LAMP5: variants seen among roughly 807,000 people sequenced by gnomAD.
The protein encoded by LAMP5 is lysosome associated membrane protein 5.
Under a neutral mutation model 30.2 loss-of-function variants are expected in LAMP5, and 36 were observed. The ratio of observed to expected loss-of-function variants is 1.19; its 90% CI spans 0.91 to 1.57. LAMP5 has a LOEUF of 1.57. Ranked by LOEUF, LAMP5 falls within the 40% of genes most tolerant of loss-of-function variation. The pLI, the probability that LAMP5 is intolerant of heterozygous loss-of-function variation, is 0.00. For missense variants in LAMP5, 377 were observed against 354.9 expected (o/e 1.06, Z -0.50); for synonymous variants, 149 against 134.6 (o/e 1.11, Z -0.74).
At chr20:9,528,221 G>A (rs2045126694) in intron 5 of LAMP5, among the ~76,000 whole-genome samples, 1 of 152,106 alleles carries the variant, frequency 6.6e-6, no homozygotes, top group African/African-American at 2.4e-5. Context: ...AATATTGCAT[G>A]TATTCACTCA....
intron 5 of LAMP5, 86 bp from the exon 6 acceptor site, chr20:9,529,556 A>T: frequency 7.4e-7 from 1 of 1,349,368 alleles, no homozygotes; most frequent in Non-Finnish European, 1.0e-6. Flanking sequence ...AAATCTTTTT[A>T]CCTCCATTTC....
chr20:9,518,010 T>TCCGCCAGCAGGAGGGGC, intron 4 of LAMP5, 30 bp from the exon 5 acceptor site: 1 of 1,599,140 alleles, frequency 6.3e-7, no homozygotes, highest in Non-Finnish European at 8.5e-7. Flanking sequence ...CAATGAGGGT[T>TCCGCCAGCAGGAGGGGC]CTAACTATTG....
rs113306811 is a variant in LAMP5, at chr20:9,514,935, A to C, written c.64+19A>C. 6,968 of 1,612,230 alleles carry C rather than the reference A, an allele frequency of 4.3e-3. 210 individuals carry two copies. In the African/African-American group the frequency reaches 0.072, roughly 17 times the overall value. Reference sequence around the variant, plus strand: ...TTGTTCCGTGAGTAGCGATTTGGCGACTGGGAGAGAGGACGGGCACTCTTT... The same window carrying C: ...TTGTTCCGTGAGTAGCGATTTGGCGCCTGGGAGAGAGGACGGGCACTCTTT... On this transcript the variant is annotated intron_variant, in intron 1 of 5. Transcript: ENST00000246070.
chr20:9,515,073 C>T lies in LAMP5; in HGVS notation c.64+157C>T, dbSNP rs181426529. The T allele has an allele frequency of 1.7e-3, 1,141 of 691,500 alleles. 6 individuals are homozygous for T. The African/African-American group carries it at 0.018, about 11-fold the overall frequency. The allele number at this position is 691,500 out of a possible 1,614,324, so 42.8% of individuals were successfully genotyped here. On this transcript the variant is annotated intron_variant, in intron 1 of 5. Transcript: ENST00000246070. ...CTTTTAGGGGAGGAGGGAGGGCCTTCCTCGCCGGTGGCAGGGAATTCCCCT... is the reference window on the plus strand; with the variant it reads ...CTTTTAGGGGAGGAGGGAGGGCCTTTCTCGCCGGTGGCAGGGAATTCCCCT...
chr20:9,514,811 C>T lies in LAMP5; in HGVS notation c.-42C>T. ...TTTGAGGGATTCCCTCTCTGGCGGC[C>T]TCTGCAGCAGCACAGCCGGCCTCAT... On this transcript the variant is annotated 5_prime_UTR_variant, in exon 1 of 6. Coordinates refer to ENST00000246070, the MANE Select transcript of LAMP5 (RefSeq NM_012261.4). 1 of 1,603,236 alleles carries T rather than the reference C, an allele frequency of 6.2e-7. No individual in the cohort carries two copies. Among genetic ancestry groups the T allele is most frequent in the Non-Finnish European group, 8.5e-7 (1 of 1,170,570 alleles).
chr20:9,522,821 C>T (rs372630929), intron 5 of LAMP5, among the ~76,000 whole-genome samples: 61 of 152,278 alleles, frequency 4.0e-4, no homozygotes, highest in Middle Eastern at 6.8e-3. Context: ...GTCCACTACA[C>T]CTAGGTACTG....
At chr20:9,515,765 A>G in intron 2 of LAMP5, 140 bp downstream of exon 2, 1 of 1,030,990 alleles carries the variant, frequency 9.7e-7, no homozygotes, top group Non-Finnish European at 1.4e-6. Context: ...CTGCATGGGG[A>G]TTCCAGCTTG....
At chr20:9,522,211 T>C (rs1430983242) in intron 5 of LAMP5, among the ~76,000 whole-genome samples, 1 of 152,160 alleles carries the variant, frequency 6.6e-6, no homozygotes, top group Non-Finnish European at 1.5e-5. Flanking sequence ...TTCATGAGCT[T>C]TTTATTATTG....
chr20:9,515,689 C>T, intron 2 of LAMP5, 64 bp downstream of exon 2: 1 of 1,554,204 alleles, frequency 6.4e-7, no homozygotes, highest in Non-Finnish European at 8.8e-7. Flanking sequence ...CACCCTTCCT[C>T]AAGGCTCTTC....
intron 5 of LAMP5, among the ~76,000 whole-genome samples, chr20:9,522,665 C>A (rs1402316417): frequency 1.3e-5 from 2 of 152,246 alleles, no homozygotes; most frequent in South Asian, 2.1e-4. Flanking sequence ...GGTGAGCAAA[C>A]CAGTGTTTAC....
rs1178893997 is a variant in LAMP5 at position 9,530,511 on chromosome 20, C to T, written c.*691C>T. 2 of 152,584 alleles carry T rather than the reference C, an allele frequency of 1.3e-5. No individual in the cohort carries two copies. Among genetic ancestry groups the T allele is most frequent in the Non-Finnish European group, 2.9e-5 (2 of 68,026 alleles). 9.5% of individuals were successfully genotyped at this position (152,584 alleles called of 1,614,324 possible). ...CTGTTTTTCAAAATGAAATAAAACA[C>T]ACTATTCTCTGGCCTTTGGCTGCTT... On this transcript the variant is annotated 3_prime_UTR_variant, in exon 6 of 6. Coordinates refer to ENST00000246070, the MANE Select transcript of LAMP5 (RefSeq NM_012261.4).
At chr20:9,514,988 T>C (rs1205672959) in intron 1 of LAMP5, 72 bp downstream of exon 1, 12 of 1,362,680 alleles carry the variant, frequency 8.8e-6, no homozygotes, top group Non-Finnish European at 1.3e-5. Flanking sequence ...CAAAGTAAAG[T>C]CAATTAGCTT....
intron 5 of LAMP5, among the ~76,000 whole-genome samples, chr20:9,524,590 C>A (rs139768143): frequency 4.8e-5 from 4 of 83,042 alleles, no homozygotes; most frequent in Admixed American, 1.5e-4. Context: ...AAACCCAGAT[C>A]GAACTAAAAA....
intron 5 of LAMP5, among the ~76,000 whole-genome samples, chr20:9,524,607 A>C (rs1644275024): frequency 6.7e-6 from 1 of 150,116 alleles, no homozygotes; most frequent in Non-Finnish European, 1.5e-5. Flanking sequence ...AAAAAAAAAA[A>C]AAAAAAAAAC....
At chr20:9,519,124 G>A (rs1033236273) in intron 5 of LAMP5, among the ~76,000 whole-genome samples, 1 of 152,072 alleles carries the variant, frequency 6.6e-6, no homozygotes, top group Non-Finnish European at 1.5e-5. Flanking sequence ...AATTCACGTT[G>A]GGCAATTGTG....
chr20:9,524,154 G>A (rs562646793), intron 5 of LAMP5, among the ~76,000 whole-genome samples: 1 of 152,232 alleles, frequency 6.6e-6, no homozygotes, highest in South Asian at 2.1e-4. Context: ...TTCCAATAAG[G>A]AAATACATAT....
In LAMP5 at chr20:9,530,415, T is replaced by A. The variant is rs112685122; in HGVS notation, c.*595T>A. ...CACCAGAAAACGACTAATGTAACTA[T>A]GCAGAGTTGTTTGGACTTCTTCCTG... On this transcript the variant is annotated 3_prime_UTR_variant, in exon 6 of 6. Transcript: ENST00000246070. The A allele has an allele frequency of 6.5e-4, 100 of 152,832 alleles. No homozygotes were observed. Among genetic ancestry groups the A allele is most frequent in the African/African-American group, 2.3e-3 (94 of 41,578 alleles). The allele number at this position is 152,832 out of a possible 1,614,324, so 9.5% of individuals were successfully genotyped here. A position where few individuals can be genotyped will look rare whatever the true frequency, so the allele number is the denominator to read the frequency against.
Position 9,516,432 on chromosome 20 carries a change from T to C in LAMP5, c.475+71T>C, listed in dbSNP as rs1461429002. 4.6e-6 allele frequency: 6 copies of C among 1,318,088 alleles called. No individual in the cohort carries two copies. In the African/African-American group the frequency reaches 7.2e-5, roughly 16 times the overall value. The allele number at this position is 1,318,088 out of a possible 1,614,324, so 81.6% of individuals were successfully genotyped here. A position where few individuals can be genotyped will look rare whatever the true frequency, so the allele number is the denominator to read the frequency against. ...AGAACAGGCTTGGAGAGAGAATTCC[T>C]CAAGGTTTTGGAAACCGTCCCACGC... On this transcript the variant is annotated intron_variant, in intron 4 of 5. Transcript: ENST00000246070.
intron 5 of LAMP5, among the ~76,000 whole-genome samples, chr20:9,523,239 C>T (rs913029960): frequency 2.6e-5 from 4 of 152,046 alleles, no homozygotes; most frequent in African/African-American, 4.8e-5. Context: ...ATGGAAAGAG[C>T]GTCAAACCCT....
Sources: allele counts gnomAD v4.1 joint callset (sites outside exome capture counted in the v4.1 genomes callset), GRCh38; gene constraint gnomAD v4.1.1; transcripts MANE v1.5; gene names NCBI Gene and HGNC (gene_info 2026-07-23, HGNC 2026-07-21).